The following ZFHX3 variants were observed in gnomAD, a reference collection of about 807,000 sequenced individuals.
ZFHX3 encodes zinc finger homeobox protein 3.
Under a neutral mutation model 279.1 loss-of-function variants are expected in ZFHX3, and 42 were observed. The ratio of observed to expected loss-of-function variants is 0.15; its 90% CI spans 0.12 to 0.19. The LOEUF (loss-of-function observed/expected upper bound fraction) is 0.19, where lower values mean the gene tolerates loss of function less well. Among genes scored for constraint, ZFHX3 ranks in the 10% least tolerant of loss-of-function variants. The pLI is 1.00. For synonymous variants in ZFHX3, 2,293 were observed against 1,957.8 expected, an observed-to-expected ratio of 1.17 and a Z score of -4.52; for missense variants, 4,981 against 4,754.0, an observed-to-expected ratio of 1.05 and a Z score of -1.40.
At chr16:73,204,894 T>A (rs1313919478) in intron 5 of ZFHX3, among the ~76,000 whole-genome samples, 1 of 152,214 alleles carries the variant, frequency 6.6e-6, no homozygotes. Flanking sequence ...AGTCGTTGCA[T>A]GAGTAGACTG....
At chr16:73,197,247 T>C (rs1457206951) in intron 5 of ZFHX3, among the ~76,000 whole-genome samples, 1 of 152,202 alleles carries the variant, frequency 6.6e-6, no homozygotes, top group Admixed American at 6.5e-5. Flanking sequence ...TTCATTACTG[T>C]GGTTACAATG....
chr16:73,744,952 G>A (rs1290368318), intron 1 of ZFHX3, among the ~76,000 whole-genome samples: 2 of 152,248 alleles, frequency 1.3e-5, no homozygotes, highest in East Asian at 3.9e-4. Context: ...ATTCATTGTT[G>A]CAACCACAAC....
chr16:72,813,179 GA>G (rs922083033), intron 5 of ZFHX3, among the ~76,000 whole-genome samples: 49 of 150,610 alleles, frequency 3.3e-4, no homozygotes, highest in Middle Eastern at 3.4e-3. Context: ...AAAGCAATAA[GA>G]AAAAAAAAGT....
chr16:73,685,786 G>T, intron 1 of ZFHX3, among the ~76,000 whole-genome samples: 1 of 152,134 alleles, frequency 6.6e-6, no homozygotes, highest in East Asian at 1.9e-4. Context: ...CCTTGAGCAG[G>T]CTGAGAGCAA....
At chr16:73,188,621 C>T (rs983024924) in intron 5 of ZFHX3, among the ~76,000 whole-genome samples, 3 of 152,192 alleles carry the variant, frequency 2.0e-5, no homozygotes, top group African/African-American at 7.2e-5. Context: ...ATTTTCCTAT[C>T]ACTTGGTCCT....
intron 2 of ZFHX3, among the ~76,000 whole-genome samples, chr16:73,481,498 A>T (rs1268212753): frequency 6.6e-6 from 1 of 151,702 alleles, no homozygotes; most frequent in Admixed American, 6.6e-5. Flanking sequence ...CAGTGCTATG[A>T]TCACGGCTTA....
chr16:73,636,740 G>C (rs1340441382), intron 2 of ZFHX3, among the ~76,000 whole-genome samples: 7 of 152,100 alleles, frequency 4.6e-5, no homozygotes. Flanking sequence ...CTTCACAGTG[G>C]AACATAAAGG....
rs149863393 is a variant in ZFHX3, at chr16:73,637,828, C to A, written c.-1547+42352G>T. Among the ~76,000 whole-genome samples the A allele has an allele frequency of 8.0e-3, 1,222 of 151,860 alleles. 17 individuals carry two copies. The highest frequency in any genetic ancestry group is 0.028 in the African/African-American group (1,170 of 41,408). ...ATATACAAAGTACTTAAAAACAGTA[C>A]AAAATGTGAATCCCCCACTAGAAAA... On this transcript the variant is annotated intron_variant, in intron 2 of 17. Coordinates refer to the ZFHX3 transcript ENST00000641206.
At chr16:73,580,251 G>A (rs760384716) in intron 2 of ZFHX3, among the ~76,000 whole-genome samples, 32 of 151,918 alleles carry the variant, frequency 2.1e-4, no homozygotes, top group Non-Finnish European at 3.7e-4. Flanking sequence ...AGGCCAAGGC[G>A]GGCAGATCAC....
chr16:73,570,687 G>A (rs567422260), intron 2 of ZFHX3, among the ~76,000 whole-genome samples: 6 of 152,192 alleles, frequency 3.9e-5, no homozygotes, highest in Admixed American at 2.6e-4. Flanking sequence ...TAGGGGATTG[G>A]TTTTCATTAA....
chr16:73,283,611 A>G (rs184661441), intron 4 of ZFHX3, among the ~76,000 whole-genome samples: 10 of 152,320 alleles, frequency 6.6e-5, no homozygotes, highest in African/African-American at 2.4e-4. Context: ...GCATGTTGTA[A>G]TGACACCTGC....
intron 9 of ZFHX3, chr16:72,790,726 G>A (rs1325723212): frequency 6.6e-6 from 1 of 152,184 alleles, no homozygotes; most frequent in South Asian, 2.1e-4. Flanking sequence ...TGGTTAAATT[G>A]GCACAAACAA....
At chr16:73,174,702 C>T (rs182420176) in intron 5 of ZFHX3, among the ~76,000 whole-genome samples, 89 of 152,050 alleles carry the variant, frequency 5.9e-4, no homozygotes, top group African/African-American at 1.7e-3. Flanking sequence ...CATCAATGAG[C>T]GACCCAGAGG....
chr16:73,363,468 T>G (rs1210097250), intron 3 of ZFHX3, among the ~76,000 whole-genome samples: 1 of 152,272 alleles, frequency 6.6e-6, no homozygotes, highest in East Asian at 1.9e-4. Flanking sequence ...CCTCACCCTG[T>G]GCATACCCCT....
chr16:73,613,205 C>G (rs1189776153), intron 2 of ZFHX3, among the ~76,000 whole-genome samples: 1 of 152,128 alleles, frequency 6.6e-6, no homozygotes, highest in African/African-American at 2.4e-5. Context: ...TGGGTCGAAA[C>G]AATTTCACCT....
intron 5 of ZFHX3, among the ~76,000 whole-genome samples, chr16:73,253,350 G>A (rs1365706376): frequency 2.0e-5 from 3 of 152,138 alleles, no homozygotes; most frequent in African/African-American, 7.2e-5. Context: ...GAAATCAATG[G>A]AAAGAGAAAG....
chr16:73,563,104 G>A (rs1448079562), intron 2 of ZFHX3, among the ~76,000 whole-genome samples: 3 of 151,812 alleles, frequency 2.0e-5, no homozygotes, highest in South Asian at 2.1e-4. Flanking sequence ...CTTTGTCAAG[G>A]GAGGAGGTGC....
At chr16:73,578,206 C>A (rs974557550) in intron 2 of ZFHX3, among the ~76,000 whole-genome samples, 1 of 152,146 alleles carries the variant, frequency 6.6e-6, no homozygotes, top group African/African-American at 2.4e-5. Context: ...ACAGGTACTT[C>A]TGTCAGACAA....
At position 73,418,315 on chromosome 16, in the gene ZFHX3, A is replaced by T. The variant is rs115620302; in HGVS notation, c.-1291+37688T>A. On this transcript the variant is annotated intron_variant, in intron 3 of 17. Transcript: ENST00000641206. ...GTGGTACCAGGACTTCTGTTGAGTG[A>T]CTTTGGGGCAGCCGCCCTACAGGCT... Among the ~76,000 whole-genome samples, 1,027 of 151,560 alleles carry T rather than the reference A, an allele frequency of 6.8e-3. 16 individuals carry two copies. Among genetic ancestry groups the T allele is most frequent in the African/African-American group, 0.024 (976 of 41,468 alleles).
Sources: gnomAD v4.1 joint callset for allele counts (sites outside exome capture counted in the v4.1 genomes callset) on GRCh38, gnomAD v4.1.1 for gene constraint, MANE v1.5 for transcripts, NCBI Gene and HGNC (gene_info 2026-07-23, HGNC 2026-07-21) for gene names.